The following PATJ variants were observed in gnomAD, a reference collection of about 807,000 sequenced individuals.
The protein encoded by PATJ is PATJ crumbs cell polarity complex component.
A neutral mutation model predicts 224.9 loss-of-function variants in PATJ; 190 were observed. The ratio of observed to expected loss-of-function variants is 0.84; its 90% CI spans 0.75 to 0.95. The LOEUF is 0.95. Among genes scored for constraint, PATJ ranks in the 40% least tolerant of loss-of-function variants. The probability of loss-of-function intolerance (pLI) is 0.00; values close to 1 mark genes in which losing one functional copy is unlikely to be tolerated. For missense variants in PATJ, 2,121 were observed against 2,270.3 expected (o/e 0.93, Z 1.34); for synonymous variants, 769 against 820.3 (o/e 0.94, Z 1.07).
At chr1:61,987,479 C>T (rs1160974608) in intron 27 of PATJ, among the ~76,000 whole-genome samples, 3 of 151,940 alleles carry the variant, frequency 2.0e-5, no homozygotes, top group East Asian at 1.9e-4. Flanking sequence ...TTCTTAGCTG[C>T]GATATCATTT....
At chr1:62,059,253 C>T (rs1570379419) in intron 31 of PATJ, among the ~76,000 whole-genome samples, 1 of 152,134 alleles carries the variant, frequency 6.6e-6, no homozygotes, top group African/African-American at 2.4e-5. Flanking sequence ...CAAGGGAAGC[C>T]TTTGAAATGG....
rs532528100 is a variant in PATJ, at chr1:62,076,774, G to A, written c.4126-2676G>A. On this transcript the variant is annotated intron_variant, in intron 31 of 43. Coordinates refer to ENST00000642238, the MANE Select transcript of PATJ (RefSeq NM_001350145.3). Reference sequence around the variant, plus strand: ...TTAGTGCTTTCTTATTTTAAAAGTCGCGTGATTTTTCATAAAAGAACTCTG... The same window carrying A: ...TTAGTGCTTTCTTATTTTAAAAGTCACGTGATTTTTCATAAAAGAACTCTG... Among the ~76,000 whole-genome samples the A allele has an allele frequency of 1.8e-4, 27 of 152,160 alleles. No homozygotes were observed. The South Asian group carries it at 5.2e-3, about 29-fold the overall frequency.
At chr1:61,902,545 A>C (rs1307404149) in intron 24 of PATJ, among the ~76,000 whole-genome samples, 1 of 152,156 alleles carries the variant, frequency 6.6e-6, no homozygotes, top group East Asian at 1.9e-4. Context: ...AATCGATAGC[A>C]TTATTGTGAG....
At chr1:61,808,271 G>A (rs1653979405) in intron 13 of PATJ, among the ~76,000 whole-genome samples, 1 of 152,104 alleles carries the variant, frequency 6.6e-6, no homozygotes, top group South Asian at 2.1e-4. Context: ...AAAAAAGATT[G>A]TTGTGGAGAA....
At chr1:61,843,598 T>C (rs1292068900) in intron 17 of PATJ, among the ~76,000 whole-genome samples, 1 of 151,762 alleles carries the variant, frequency 6.6e-6, no homozygotes, top group Non-Finnish European at 1.5e-5. Context: ...TAGTCAGGCA[T>C]GGTGGCGTGC....
intron 31 of PATJ, among the ~76,000 whole-genome samples, chr1:62,052,215 A>C (rs941179042): frequency 6.6e-6 from 1 of 152,178 alleles, no homozygotes; most frequent in African/African-American, 2.4e-5. Context: ...ATTTTACTTC[A>C]GGGCATTTGA....
intron 28 of PATJ, among the ~76,000 whole-genome samples, chr1:62,014,016 C>T (rs953571067): frequency 2.6e-5 from 4 of 152,098 alleles, no homozygotes; most frequent in Non-Finnish European, 5.9e-5. Context: ...TCAAATGATC[C>T]GCCCACCTCG....
chr1:62,127,534 G>A (rs767322362), intron 39 of PATJ, among the ~76,000 whole-genome samples: 4 of 152,072 alleles, frequency 2.6e-5, no homozygotes, highest in Non-Finnish European at 5.9e-5. Flanking sequence ...GGCTGGGTAG[G>A]GTAGTTCACG....
chr1:62,159,915 AT>A (rs1278730265), intron 43 of PATJ, among the ~76,000 whole-genome samples: 1 of 152,102 alleles, frequency 6.6e-6, no homozygotes, highest in Non-Finnish European at 1.5e-5. Context: ...AACCTGTCTG[AT>A]TCCCCAGCAC....
intron 27 of PATJ, among the ~76,000 whole-genome samples, chr1:61,949,228 A>G (rs1679253786): frequency 6.6e-6 from 1 of 152,068 alleles, no homozygotes. Context: ...AAAAAAAGAA[A>G]AAAAAAGGAA....
intron 43 of PATJ, among the ~76,000 whole-genome samples, chr1:62,153,855 G>C (rs563576537): frequency 1.3e-5 from 2 of 152,276 alleles, no homozygotes; most frequent in South Asian, 2.1e-4. Flanking sequence ...CAGGCACCAG[G>C]GGGCTGAGGC....
At chr1:62,060,761 C>T (rs12086767) in intron 31 of PATJ, among the ~76,000 whole-genome samples, 3,619 of 152,268 alleles carry the variant, frequency 0.024, 147 homozygotes, top group African/African-American at 0.082. Context: ...ACAGCAGCCT[C>T]GATCTCCTGG....
intron 14 of PATJ, 146 bp downstream of exon 14, chr1:61,808,676 C>T: frequency 1.3e-5 from 7 of 555,706 alleles, no homozygotes; most frequent in Non-Finnish European, 1.9e-5. Flanking sequence ...CAGGTGGAGC[C>T]ACTGAACTCG....
At chr1:61,983,986 G>A (rs891669226) in intron 27 of PATJ, among the ~76,000 whole-genome samples, 3 of 151,550 alleles carry the variant, frequency 2.0e-5, no homozygotes, top group Non-Finnish European at 4.4e-5. Context: ...CCTCATGCCT[G>A]GCTGATGTTT....
At chr1:61,883,773 A>G (rs1264485562) in intron 21 of PATJ, among the ~76,000 whole-genome samples, 1 of 150,756 alleles carries the variant, frequency 6.6e-6, no homozygotes, top group East Asian at 1.9e-4. Flanking sequence ...AAAAAAAAAA[A>G]AAAGAATGTA....
chr1:61,820,160 G>C (rs1656959673), intron 14 of PATJ, among the ~76,000 whole-genome samples: 1 of 151,774 alleles, frequency 6.6e-6, no homozygotes, highest in Non-Finnish European at 1.5e-5. Flanking sequence ...TCCTGCCTCA[G>C]CCTCCCAAGT....
chr1:61,807,225 T>C (rs1653769819), intron 13 of PATJ, among the ~76,000 whole-genome samples: 1 of 152,210 alleles, frequency 6.6e-6, no homozygotes, highest in African/African-American at 2.4e-5. Context: ...TTGCCCAGGC[T>C]GGAATGCAGT....
At chr1:61,956,235 G>T (rs1363236670) in intron 27 of PATJ, among the ~76,000 whole-genome samples, 1 of 152,236 alleles carries the variant, frequency 6.6e-6, no homozygotes, top group Non-Finnish European at 1.5e-5. Context: ...ATGCTAACCA[G>T]ATGGGAATGG....
chr1:62,046,304 A>G (rs1044129434), intron 30 of PATJ, among the ~76,000 whole-genome samples: 3 of 152,230 alleles, frequency 2.0e-5, no homozygotes, highest in African/African-American at 7.2e-5. Context: ...TAGCATAAAC[A>G]TTACAACTTT....
Sources: gnomAD v4.1 joint callset for allele counts (sites outside exome capture counted in the v4.1 genomes callset) on GRCh38, gnomAD v4.1.1 for gene constraint, MANE v1.5 for transcripts, NCBI Gene and HGNC (gene_info 2026-07-23, HGNC 2026-07-21) for gene names.